VIT: variants seen among roughly 807,000 people sequenced by gnomAD.
VIT encodes vitrin.
Under a neutral mutation model 78.0 loss-of-function variants are expected in VIT, and 99 were observed. That is an observed-to-expected ratio of 1.27 (90% confidence interval 1.08 to 1.50). The LOEUF (loss-of-function observed/expected upper bound fraction) is 1.50. Ranked by LOEUF, VIT falls within the 40% of genes most tolerant of loss-of-function variation. VIT has a pLI of 0.00. For missense variants in VIT, 1,126 were observed against 875.3 expected (o/e 1.29, Z -3.61); for synonymous variants, 374 against 334.3 (o/e 1.12, Z -1.29).
At chr2:36,752,102 T>G (rs1229273817) in intron 4 of VIT, among the ~76,000 whole-genome samples, 2 of 152,218 alleles carry the variant, frequency 1.3e-5, no homozygotes, top group Admixed American at 6.5e-5. Flanking sequence ...GTTCATATTC[T>G]ATATCATGAT....
rs573143989 is a variant in VIT at position 36,741,361 on chromosome 2, T to C, written c.119-1739T>C. Reference sequence around the variant, plus strand: ...GGGAGAATGAAACCACAAAACTGTTTGAAGCACAGCGCTCTACTTCTTAAT... The same window carrying C: ...GGGAGAATGAAACCACAAAACTGTTCGAAGCACAGCGCTCTACTTCTTAAT... On this transcript the variant is annotated intron_variant, in intron 3 of 15. Transcript: ENST00000379242. Among the ~76,000 whole-genome samples, 18 of 152,318 alleles carry C rather than the reference T, an allele frequency of 1.2e-4. 1 individual carries two copies. Among genetic ancestry groups the C allele is most frequent in the African/African-American group, 3.8e-4 (16 of 41,582 alleles).
rs764843769 is a variant in VIT at position 36,767,194 on chromosome 2, C to A, written c.588C>A (p.Thr196=). 4.3e-6 allele frequency: 7 copies of A among 1,610,076 alleles called. 1 individual carries two copies. The South Asian group carries it at 5.6e-5, about 13-fold the overall frequency. ...QLLAVTVAVA[T]PTTLPRPSPS... Reference sequence around the variant, plus strand: ...TGGCTGTCACTGTAGCTGTGGCCACCCCCACCACCTTGCCAAGGCCATCCC... The same window carrying A: ...TGGCTGTCACTGTAGCTGTGGCCACACCCACCACCTTGCCAAGGCCATCCC... The change falls in exon 7 of 16, where the codon ACC becomes ACA. Residue 196 remains threonine (T), a synonymous_variant. Coordinates refer to ENST00000379242, the MANE Select transcript of VIT (RefSeq NM_053276.4).
intron 1 of VIT, among the ~76,000 whole-genome samples, chr2:36,711,267 A>G (rs763000840): frequency 1.3e-5 from 2 of 152,036 alleles, no homozygotes; most frequent in Non-Finnish European, 2.9e-5. Flanking sequence ...GCCTTTTTAC[A>G]CTTCCTCCAC....
chr2:36,781,708 T>C lies in VIT; in HGVS notation c.803-19T>C. The C allele has an allele frequency of 6.2e-7, 1 of 1,614,110 alleles. No homozygotes were observed. Among genetic ancestry groups the C allele is most frequent in the East Asian group, 2.2e-5 (1 of 44,886 alleles). Reference sequence around the variant, plus strand: ...TGGTTTAAGTAACAAGTTTGTTTCTTTTCAATTTTGAAAATCAGGAGAGAT... The same window carrying C: ...TGGTTTAAGTAACAAGTTTGTTTCTCTTCAATTTTGAAAATCAGGAGAGAT... On this transcript the variant is annotated intron_variant, in intron 9 of 15. Coordinates refer to ENST00000379242, the MANE Select transcript of VIT (RefSeq NM_053276.4).
intron 6 of VIT, among the ~76,000 whole-genome samples, chr2:36,764,535 G>A (rs1160028179): frequency 6.6e-6 from 1 of 152,252 alleles, no homozygotes; most frequent in Non-Finnish European, 1.5e-5. Flanking sequence ...GGAGGCTGCT[G>A]TGAGCTCTTT....
rs997391138 is a variant in VIT, at chr2:36,787,203, C to G, written c.985C>G (p.Gln329Glu). ...IGKRRFRIQK[Q>E]LLADVAQALD... ...CAAACGGCGATTCCGAATCCAGAAG[C>G]AGCTCCTGGCTGATGTTGCCCAAGC... The change falls in exon 12 of 16, where the codon CAG becomes GAG. Residue 329 changes from glutamine to glutamate, a missense_variant. Transcript: ENST00000379242. 1.2e-6 allele frequency: 2 copies of G among 1,614,248 alleles called. No individual in the cohort carries two copies. Among genetic ancestry groups the G allele is most frequent in the Non-Finnish European group, 1.7e-6 (2 of 1,180,050 alleles).
At chr2:36,794,388 A>G (rs763950871) in intron 12 of VIT, among the ~76,000 whole-genome samples, 3 of 152,246 alleles carry the variant, frequency 2.0e-5, no homozygotes, top group African/African-American at 4.8e-5. Flanking sequence ...ACAAATTAAA[A>G]GATTGCTTGC....
At chr2:36,721,948 G>A (rs1161835488) in intron 2 of VIT, among the ~76,000 whole-genome samples, 2 of 152,068 alleles carry the variant, frequency 1.3e-5, no homozygotes, top group Non-Finnish European at 2.9e-5. Flanking sequence ...ACTCACTAAG[G>A]GTGGGAGCTG....
At chr2:36,775,852 G>A (rs1442178537) in intron 9 of VIT, among the ~76,000 whole-genome samples, 4 of 152,114 alleles carry the variant, frequency 2.6e-5, no homozygotes, top group Admixed American at 6.6e-5. Flanking sequence ...CTCCATTATG[G>A]CTCCTACAGG....
intron 8 of VIT, chr2:36,774,564 C>T: frequency 1.0e-6 from 1 of 985,398 alleles, no homozygotes; most frequent in Middle Eastern, 5.2e-4. Context: ...GTCCACTCTC[C>T]ACATGTTCTT....
intron 4 of VIT, among the ~76,000 whole-genome samples, chr2:36,744,903 A>C (rs373352830): frequency 1.3e-5 from 2 of 152,210 alleles, no homozygotes; most frequent in African/African-American, 4.8e-5. Context: ...ACCAATGTCG[A>C]GAAGGGTATT....
At chr2:36,763,838 C>G (rs2148576222) in intron 6 of VIT, among the ~76,000 whole-genome samples, 1 of 152,264 alleles carries the variant, frequency 6.6e-6, no homozygotes, top group South Asian at 2.1e-4. Flanking sequence ...ATCCACCCAT[C>G]TCGGCCCCCG....
At chr2:36,756,380 A>G (rs570166229) in intron 5 of VIT, among the ~76,000 whole-genome samples, 120 of 152,324 alleles carry the variant, frequency 7.9e-4, no homozygotes, top group African/African-American at 2.8e-3. Context: ...TCCCAACAAA[A>G]TTAGGTGCCT....
chr2:36,709,010 T>C (rs1239508985), intron 1 of VIT, among the ~76,000 whole-genome samples: 1 of 151,720 alleles, frequency 6.6e-6, no homozygotes, highest in Non-Finnish European at 1.5e-5. Flanking sequence ...ATTAGCCAGG[T>C]ATGGTGGTGG....
chr2:36,723,182 C>T (rs1423667110), intron 2 of VIT, among the ~76,000 whole-genome samples: 1 of 152,108 alleles, frequency 6.6e-6, no homozygotes, highest in Non-Finnish European at 1.5e-5. Flanking sequence ...TAATCTACTA[C>T]ACACCATTTG....
intron 2 of VIT, among the ~76,000 whole-genome samples, chr2:36,720,249 A>G (rs1666418878): frequency 2.0e-5 from 3 of 152,208 alleles, no homozygotes; most frequent in Non-Finnish European, 4.4e-5. Context: ...TACACTACAA[A>G]GCTATAGTAA....
chr2:36,725,768 T>C (rs1460997031), intron 2 of VIT, among the ~76,000 whole-genome samples: 1 of 152,156 alleles, frequency 6.6e-6, no homozygotes, highest in Non-Finnish European at 1.5e-5. Context: ...ATGATCTGTG[T>C]TCAGTTAAAA....
At position 36,808,810 on chromosome 2, in the gene VIT, C is replaced by T. The variant is rs764563896; in HGVS notation, c.1728C>T (p.Ala576=). 1 of 1,614,168 alleles carries T rather than the reference C, an allele frequency of 6.2e-7. No homozygotes were observed. Among genetic ancestry groups the T allele is most frequent in the Admixed American group, 1.7e-5 (1 of 60,016 alleles). ...GCAGCAAGCCTGACATCCTCAACGCCATCAAGAGGGTGGGCTACTGGAGTG... is the reference window on the plus strand; with the variant it reads ...GCAGCAAGCCTGACATCCTCAACGCTATCAAGAGGGTGGGCTACTGGAGTG... ...KYSSKPDILN[A]IKRVGYWSGG... The change falls in exon 15 of 16, where the codon GCC becomes GCT. Residue 576 remains alanine (A), a synonymous_variant. Transcript: ENST00000379242.
At chr2:36,746,788 A>G (rs79362421) in intron 4 of VIT, among the ~76,000 whole-genome samples, 2,909 of 152,100 alleles carry the variant, frequency 0.019, 97 homozygotes, top group African/African-American at 0.067. Flanking sequence ...GATTTTCACA[A>G]TTCAGTTTCA....
Sources: allele counts gnomAD v4.1 joint callset (sites outside exome capture counted in the v4.1 genomes callset), GRCh38; gene constraint gnomAD v4.1.1; transcripts MANE v1.5; gene names NCBI Gene and HGNC (gene_info 2026-07-23, HGNC 2026-07-21).